Variants in TJP2 observed in about 807,000 individuals in gnomAD.
TJP2 encodes Friedreich ataxia region gene X104 (tight junction protein ZO-2).
A neutral mutation model predicts 133.1 loss-of-function variants in TJP2; 91 were observed. That is an observed-to-expected ratio of 0.68 (90% CI 0.58 to 0.81). TJP2 has a LOEUF of 0.81. Among genes scored for constraint, TJP2 ranks in the 40% least tolerant of loss-of-function variants. TJP2 has a pLI of 0.00. For missense variants in TJP2, 1,541 were observed against 1,565.6 expected (o/e 0.98, Z 0.26); for synonymous variants, 592 against 583.4 (o/e 1.01, Z -0.21).
chr9:69,250,091 A>G (rs943611491), intron 20 of TJP2, among the ~76,000 whole-genome samples: 1 of 152,134 alleles, frequency 6.6e-6, no homozygotes, highest in African/African-American at 2.4e-5. Flanking sequence ...ATTTAACTCA[A>G]TAATTTATTA....
In TJP2 at chr9:69,206,172, T is replaced by TA. The variant is rs1295440050; in HGVS notation, c.61-6375dup. Among the ~76,000 whole-genome samples, 4 of 152,254 alleles carry TA rather than the reference T, an allele frequency of 2.6e-5. No individual in the cohort carries two copies. The East Asian group carries it at 7.7e-4, about 29-fold the overall frequency. On this transcript the variant is annotated intron_variant, in intron 1 of 22. Transcript: ENST00000377245. ...AAAGGGGGTTGTCATGAACACTACT[T>TA]ACGTGAAAAGTAAAAGTGATAAGGA...
chr9:69,202,613 A>G (rs1827075839), intron 1 of TJP2, among the ~76,000 whole-genome samples: 1 of 152,242 alleles, frequency 6.6e-6, no homozygotes, highest in African/African-American at 2.4e-5. Context: ...GTCACAGTAA[A>G]GTAAGCTAGG....
chr9:69,248,218 C>G lies in TJP2; in HGVS notation c.2874C>G (p.His958Gln). ...SITRSSEPVQ[H>Q]EESIRKPSPE... is the part of the protein sequence containing the mutation. ...CCCGCTCCTCGGAGCCGGTGCAGCACGAGGAGGTGAGGCGAGGCAGGCCAC... is the reference window on the plus strand; with the variant it reads ...CCCGCTCCTCGGAGCCGGTGCAGCAGGAGGAGGTGAGGCGAGGCAGGCCAC... Residue 958 changes from histidine (H) to glutamine (Q), a missense_variant, in exon 19 of 23, where the codon CAC (histidine) becomes CAG (glutamine). Coordinates refer to ENST00000377245, the MANE Select transcript of TJP2 (RefSeq NM_004817.4). The G allele has an allele frequency of 6.3e-7, 1 of 1,598,644 alleles. No homozygotes were observed. Among genetic ancestry groups the G allele is most frequent in the Non-Finnish European group, 8.5e-7 (1 of 1,171,666 alleles).
chr9:69,252,389 T>A (rs1230165405), intron 21 of TJP2, among the ~76,000 whole-genome samples: 3 of 152,118 alleles, frequency 2.0e-5, no homozygotes, highest in African/African-American at 7.2e-5. Context: ...TTTTTTATCC[T>A]TCCCACGTGA....
intron 2 of TJP2, among the ~76,000 whole-genome samples, chr9:69,215,313 T>TAAAATA (rs3067215): frequency 0.41 from 62,411 of 151,026 alleles, 13,453 homozygotes; most frequent in African/African-American, 0.52. Flanking sequence ...CTCCTGAATC[T>TAAAATA]AAAATAAAAA....
At chr9:69,148,913 G>C (rs1823342101) in intron 1 of TJP2, among the ~76,000 whole-genome samples, 1 of 152,176 alleles carries the variant, frequency 6.6e-6, no homozygotes. Context: ...CCACAATGGA[G>C]AAAGATAGAA....
chr9:69,145,353 A>G (rs534077912), intron 1 of TJP2, among the ~76,000 whole-genome samples: 27 of 152,378 alleles, frequency 1.8e-4, no homozygotes, highest in Non-Finnish European at 2.8e-4. Flanking sequence ...AAATCACCTC[A>G]TGAGCCATTA....
intron 2 of TJP2, among the ~76,000 whole-genome samples, chr9:69,158,366 C>T (rs912867180): frequency 5.3e-5 from 8 of 150,774 alleles, no homozygotes; most frequent in Non-Finnish European, 8.9e-5. Context: ...GACCCAGAGC[C>T]CTAGATCTCT....
chr9:69,185,686 C>G (rs927820896), intron 1 of TJP2, among the ~76,000 whole-genome samples: 1 of 152,008 alleles, frequency 6.6e-6, no homozygotes, highest in Admixed American at 6.6e-5. Context: ...ATATATAAAT[C>G]TGGCTGATAG....
At chr9:69,210,301 A>C (rs1278764712) in intron 1 of TJP2, among the ~76,000 whole-genome samples, 79 of 24,556 alleles carry the variant, frequency 3.2e-3, no homozygotes, top group South Asian at 0.011. Context: ...CCCCCCCCCA[A>C]AAAAAAAAAA....
At chr9:69,157,797 A>G (rs1040990763) in intron 2 of TJP2, among the ~76,000 whole-genome samples, 8 of 152,150 alleles carry the variant, frequency 5.3e-5, no homozygotes, top group Non-Finnish European at 8.8e-5. Context: ...AAAGCTAAAC[A>G]TATTTTCCAA....
intron 2 of TJP2, among the ~76,000 whole-genome samples, chr9:69,161,728 TTATA>T (rs1824085231): frequency 6.7e-6 from 1 of 150,076 alleles, no homozygotes; most frequent in African/African-American, 2.4e-5. Flanking sequence ...GAAAAATACT[TTATA>T]TATAATTATA....
intron 4 of TJP2, among the ~76,000 whole-genome samples, chr9:69,220,222 A>T (rs188165199): frequency 2.4e-4 from 37 of 152,312 alleles, no homozygotes; most frequent in Admixed American, 1.7e-3. Context: ...ATGCATAGTT[A>T]TAGGGTATGT....
chr9:69,147,789 C>CT (rs1385843761), intron 1 of TJP2, among the ~76,000 whole-genome samples: 5 of 151,976 alleles, frequency 3.3e-5, no homozygotes, highest in African/African-American at 7.2e-5. Flanking sequence ...TTGAATGTGC[C>CT]TTTTTTTTGA....
In TJP2 at chr9:69,128,523, C is replaced by CT. The variant is rs1564365342; in HGVS notation, c.-131+6798_-131+6799insT. Among the ~76,000 whole-genome samples, 22 of 101,242 alleles carry CT rather than the reference C, an allele frequency of 2.2e-4. No homozygotes were observed. The South Asian group carries it at 2.2e-3, about 10-fold the overall frequency. 66.4% of individuals were successfully genotyped at this position (101,242 alleles called of 152,430 possible). On this transcript the variant is annotated intron_variant, in intron 1 of 5. Coordinates refer to the TJP2 transcript ENST00000423935. ...TTATTTTTTCATGTGCTTATTAGAC[C>CT]ATTTTTTTTTTTTTTTTGAGATGGA...
At chr9:69,153,403 C>A (rs187769550) in intron 2 of TJP2, among the ~76,000 whole-genome samples, 1 of 151,988 alleles carries the variant, frequency 6.6e-6, no homozygotes, top group Admixed American at 6.6e-5. Flanking sequence ...GGCAACATGG[C>A]GAAACCCCAT....
rs1292589225 is a variant in TJP2 at position 69,126,518 on chromosome 9, T to A, written c.-131+4793T>A. Among the ~76,000 whole-genome samples the A allele has an allele frequency of 9.1e-5, 7 of 77,300 alleles. 3 individuals are homozygous for A. Among genetic ancestry groups the A allele is most frequent in the Non-Finnish European group, 2.1e-4 (7 of 33,504 alleles). 50.7% of individuals were successfully genotyped at this position (77,300 alleles called of 152,430 possible). On this transcript the variant is annotated intron_variant, in intron 1 of 5. Coordinates refer to the TJP2 transcript ENST00000423935. ...GGCTTTAGGTGTGGAAGAACTGACC[T>A]CTGCTACAACCAGCTGAATGAACCA... is the stretch of plus-strand genomic sequence containing the variant.
At position 69,222,930 on chromosome 9, in the gene TJP2, G is replaced by A. The variant is rs549547044; in HGVS notation, c.952+1434G>A. On this transcript the variant is annotated intron_variant, in intron 5 of 22. Transcript: ENST00000377245. ...CTAAAAATGCAAAAATTAGGTGGGC[G>A]TGGTGGTGGGTGCCTGTAATCCCCA... Among the ~76,000 whole-genome samples the A allele has an allele frequency of 3.9e-5, 6 of 152,198 alleles. No individual in the cohort carries two copies. In the South Asian group the frequency reaches 1.0e-3, roughly 26 times the overall value.
At chr9:69,158,869 T>C (rs1015709243) in intron 2 of TJP2, among the ~76,000 whole-genome samples, 1 of 152,166 alleles carries the variant, frequency 6.6e-6, no homozygotes, top group Non-Finnish European at 1.5e-5. Context: ...TCTTCACTCA[T>C]ATCAGTTGAA....
Sources: gnomAD v4.1 joint callset for allele counts (sites outside exome capture counted in the v4.1 genomes callset) on GRCh38, gnomAD v4.1.1 for gene constraint, MANE v1.5 for transcripts, NCBI Gene and HGNC (gene_info 2026-07-23, HGNC 2026-07-21) for gene names.